The following AJAP1 variants were observed in gnomAD, a reference collection of about 807,000 sequenced individuals.
The protein encoded by AJAP1 is adherens junctions associated protein 1.
Under a neutral mutation model 35.0 loss-of-function variants are expected in AJAP1, and 5 were observed. The observed-to-expected ratio is 0.14, with a 90% CI of 0.07 to 0.30. The LOEUF (loss-of-function observed/expected upper bound fraction) is 0.30. Among genes scored for constraint, AJAP1 ranks in the 10% least tolerant of loss-of-function variants. The pLI is 1.00. For missense variants in AJAP1, 586 were observed against 571.0 expected (o/e 1.03, Z -0.27); for synonymous variants, 284 against 249.3 (o/e 1.14, Z -1.31).
intron 1 of AJAP1, among the ~76,000 whole-genome samples, chr1:4,687,578 G>T (rs1297216412): frequency 6.6e-6 from 1 of 152,200 alleles, no homozygotes; most frequent in African/African-American, 2.4e-5. Context: ...ACAGTGGAAG[G>T]TTCTGCTGTC....
rs1642194064 is a variant in AJAP1 at position 4,787,898 on chromosome 1, G to C, written c.*5413G>C. On this transcript the variant is annotated 3_prime_UTR_variant, in exon 6 of 6. Coordinates refer to ENST00000378191, the MANE Select transcript of AJAP1 (RefSeq NM_018836.4). ...GTGGCATCCTTCTTAAACAGCATCT[G>C]CTTTTAAGTAAGCAGCTATTCCAAA... is the stretch of plus-strand genomic sequence containing the variant. The C allele has an allele frequency of 2.8e-6, 1 of 355,896 alleles. No homozygotes were observed. The allele number at this position is 355,896 out of a possible 1,614,324, so 22.0% of individuals were successfully genotyped here.
rs968998270 is a variant in AJAP1, at chr1:4,782,794, C to T, written c.*309C>T. 43 of 398,498 alleles carry T rather than the reference C, an allele frequency of 1.1e-4. No homozygotes were observed. In the Admixed American group the frequency reaches 1.4e-3, roughly 13 times the overall value. The allele number at this position is 398,498 out of a possible 1,614,324, so 24.7% of individuals were successfully genotyped here. A position where few individuals can be genotyped will look rare whatever the true frequency, so the allele number is the denominator to read the frequency against. On this transcript the variant is annotated 3_prime_UTR_variant, in exon 6 of 6. Coordinates refer to ENST00000378191, the MANE Select transcript of AJAP1 (RefSeq NM_018836.4). This position sits in a 1 kb window ranked among gnomAD's most constrained non-coding sequence, Gnocchi z 5.3. ...AGAAAGGAAAGAAAGGAACCAGAGGCAGAGAGACGAGGATACCCAGCGAAA... is the reference window on the plus strand; with the variant it reads ...AGAAAGGAAAGAAAGGAACCAGAGGTAGAGAGACGAGGATACCCAGCGAAA...
chr1:4,774,358 C>G (rs1310079681), intron 4 of AJAP1, 69 bp from the exon 5 acceptor site: 5 of 1,456,464 alleles, frequency 3.4e-6, no homozygotes, highest in Non-Finnish European at 4.8e-6. Flanking sequence ...ACAGGCCTGC[C>G]CCGGCTTGCC....
Position 4,772,335 on chromosome 1 carries a change from CAGG to C in AJAP1, c.979_981del (p.Glu327del). On this transcript the variant is annotated inframe_deletion, in exon 4 of 6. Transcript: ENST00000378191. The stretch of plus-strand genomic sequence containing the variant: ...CAGCCACCAGCGGAAGACCAACCAG[CAGG>C]AGGAGAGCTGCCAGAACCTCACGGA... 1 of 1,614,212 alleles carries C rather than the reference CAGG, an allele frequency of 6.2e-7. No homozygotes were observed. Among genetic ancestry groups the C allele is most frequent in the South Asian group, 1.1e-5 (1 of 91,086 alleles).
rs3843298 is a variant in AJAP1 at position 4,689,086 on chromosome 1, G to A, written c.30-22814G>A. Among the ~76,000 whole-genome samples the A allele has an allele frequency of 9.5e-3, 1,452 of 152,136 alleles. 24 individuals are homozygous for A. The highest frequency in any genetic ancestry group is 0.033 in the African/African-American group (1,349 of 41,502). On this transcript the variant is annotated intron_variant, in intron 1 of 5. Transcript: ENST00000378191. ...CCTGTAGGGGGTGAGGGTTCTTTGG[G>A]GACCGTAGCCTGCGGCTTCGGTCTT...
intron 2 of AJAP1, among the ~76,000 whole-genome samples, chr1:4,758,784 C>G (rs1013306314): frequency 1.3e-5 from 2 of 152,196 alleles, no homozygotes; most frequent in Admixed American, 6.5e-5. Context: ...CAGGCTGCTG[C>G]TCGATTGACA....
At chr1:4,724,160 A>C (rs769038740) in intron 2 of AJAP1, among the ~76,000 whole-genome samples, 19 of 152,272 alleles carry the variant, frequency 1.2e-4, no homozygotes, top group Non-Finnish European at 2.5e-4. Context: ...AGGTGCACAC[A>C]GAGGTCACGT....
At chr1:4,743,259 A>G (rs969264728) in intron 2 of AJAP1, among the ~76,000 whole-genome samples, 19 of 152,194 alleles carry the variant, frequency 1.2e-4, no homozygotes, top group African/African-American at 4.1e-4. Context: ...CCAAGGAGGA[A>G]ATAGAACAAG....
At chr1:4,741,065 A>G (rs546833320) in intron 2 of AJAP1, among the ~76,000 whole-genome samples, 4 of 152,148 alleles carry the variant, frequency 2.6e-5, no homozygotes, top group Admixed American at 2.6e-4. Context: ...CAAGGAGGAC[A>G]TGAGAGCAGG....
At chr1:4,752,601 G>C (rs1641343898) in intron 2 of AJAP1, among the ~76,000 whole-genome samples, 1 of 152,160 alleles carries the variant, frequency 6.6e-6, no homozygotes, top group Non-Finnish European at 1.5e-5. Flanking sequence ...CTTCCAGCAT[G>C]CAGCTCTGAT....
intron 1 of AJAP1, among the ~76,000 whole-genome samples, chr1:4,694,349 G>A (rs1007143794): frequency 2.0e-5 from 3 of 152,224 alleles, no homozygotes; most frequent in Admixed American, 6.5e-5. Flanking sequence ...TGCACAGCAA[G>A]TATTATTTTC....
chr1:4,759,586 C>T (rs767171733), intron 2 of AJAP1, among the ~76,000 whole-genome samples: 6 of 152,134 alleles, frequency 3.9e-5, no homozygotes, highest in Admixed American at 2.0e-4. Context: ...TCTTTGAGGA[C>T]CTTCTGTACG....
At chr1:4,729,617 C>G (rs891150433) in intron 2 of AJAP1, among the ~76,000 whole-genome samples, 1 of 56,480 alleles carries the variant, frequency 1.8e-5, no homozygotes, top group African/African-American at 6.6e-5. Flanking sequence ...CATTGTCTTT[C>G]CTCTGTGCGT....
At chr1:4,696,908 A>ACATG (rs1337059451) in intron 1 of AJAP1, among the ~76,000 whole-genome samples, 4 of 150,574 alleles carry the variant, frequency 2.7e-5, no homozygotes, top group African/African-American at 9.8e-5. Flanking sequence ...ATGACTGTGT[A>ACATG]CATGCATGCA....
chr1:4,699,970 G>A (rs1228176570), intron 1 of AJAP1, among the ~76,000 whole-genome samples: 2 of 152,128 alleles, frequency 1.3e-5, no homozygotes, highest in East Asian at 1.9e-4. Flanking sequence ...TTCTCTCTGC[G>A]TGCCGTCCTC....
intron 1 of AJAP1, among the ~76,000 whole-genome samples, chr1:4,708,891 T>C (rs1283662214): frequency 6.6e-6 from 1 of 152,034 alleles, no homozygotes; most frequent in Non-Finnish European, 1.5e-5. Context: ...CTCTTTTTTT[T>C]CCTCTCTGAA....
intron 2 of AJAP1, among the ~76,000 whole-genome samples, chr1:4,760,653 A>C (rs1205634198): frequency 6.6e-6 from 1 of 152,220 alleles, no homozygotes; most frequent in Non-Finnish European, 1.5e-5. Flanking sequence ...AATGCAGGTC[A>C]GAAGGAGCAG....
At chr1:4,739,966 C>T (rs536369563) in intron 2 of AJAP1, among the ~76,000 whole-genome samples, 4 of 152,272 alleles carry the variant, frequency 2.6e-5, no homozygotes, top group African/African-American at 9.6e-5. Context: ...GGCCACTCCC[C>T]GTCCAGCTCA....
At chr1:4,721,814 C>A (rs996811647) in intron 2 of AJAP1, among the ~76,000 whole-genome samples, 9 of 152,316 alleles carry the variant, frequency 5.9e-5, no homozygotes, top group African/African-American at 2.2e-4. Context: ...TGCCAATGCA[C>A]CTTGCAGAGA....
Sources: gnomAD v4.1 joint callset for allele counts (sites outside exome capture counted in the v4.1 genomes callset) on GRCh38, gnomAD v4.1.1 for gene constraint, Gnocchi (gnomAD v3.1) non-coding constraint, MANE v1.5 for transcripts, NCBI Gene and HGNC (gene_info 2026-07-23, HGNC 2026-07-21) for gene names.